RAB38: variants seen among roughly 807,000 people sequenced by gnomAD.
The protein encoded by RAB38 is RAB38, member RAS oncogene family.
In RAB38, 15 loss-of-function variants were observed where a neutral mutation model predicts 18.4. The ratio of observed to expected loss-of-function variants is 0.82; its 90% CI spans 0.55 to 1.26. The LOEUF (loss-of-function observed/expected upper bound fraction) is 1.26, where lower values mean the gene tolerates loss of function less well. Among genes scored for constraint, RAB38 ranks in the 50% most tolerant of loss-of-function variants. The pLI is 0.00. For synonymous variants in RAB38, 101 were observed against 104.4 expected (o/e 0.97, Z 0.20); for missense variants, 294 against 267.4 (o/e 1.10, Z -0.69).
chr11:88,038,274 T>C, the RAB38 span, among the ~76,000 whole-genome samples: 41 of 152,288 alleles, frequency 2.7e-4, 2 homozygotes, highest in South Asian at 8.5e-3. Context: ...AGTGTCCAGA[T>C]GTTAAATCAA....
chr11:87,935,008 G>T, the RAB38 span, among the ~76,000 whole-genome samples: 1 of 151,860 alleles, frequency 6.6e-6, no homozygotes, highest in Non-Finnish European at 1.5e-5. Flanking sequence ...TAGAGCCCTT[G>T]CCAGGCTAAT....
In RAB38 at chr11:88,149,768, GT is replaced by G; in HGVS notation, c.389del (p.Asp130AlafsTer8). On this transcript the variant is annotated frameshift_variant, in exon 2 of 3. Transcript: ENST00000243662. LOFTEE classifies it high-confidence loss of function. Reference protein sequence around the residue: ...VSVVLLANKCDQGKDVLMNNG... With the variant: ...VSVVLLANKCXQGKDVLMNNG... ...TGTTCATGAGCACATCCTTCCCCTG[GT>G]CACATTTGTTGGCCAACAAAACCAC... 1 of 1,614,060 alleles carries G rather than the reference GT, an allele frequency of 6.2e-7. No individual in the cohort carries two copies. The highest frequency in any genetic ancestry group is 8.5e-7 in the Non-Finnish European group (1 of 1,180,012).
downstream of RAB38, among the ~76,000 whole-genome samples, chr11:88,111,458 T>A (rs1017304521): frequency 5.9e-5 from 9 of 152,212 alleles, no homozygotes; most frequent in African/African-American, 1.7e-4. Context: ...TGTAGATTTA[T>A]TGGAACCCTT....
At chr11:88,032,782 C>G in the RAB38 span, among the ~76,000 whole-genome samples, 4 of 152,302 alleles carry the variant, frequency 2.6e-5, no homozygotes, top group Middle Eastern at 3.4e-3. Flanking sequence ...GTTGGTGGGA[C>G]TGTAAACTAG....
intron 1 of RAB38, among the ~76,000 whole-genome samples, chr11:88,160,019 A>C (rs548849521): frequency 6.6e-6 from 1 of 152,274 alleles, no homozygotes; most frequent in Non-Finnish European, 1.5e-5. Flanking sequence ...AGCAAAAGAA[A>C]TTATCAACAG....
At chr11:88,174,780 G>C (rs532326168) in intron 1 of RAB38, among the ~76,000 whole-genome samples, 9 of 152,354 alleles carry the variant, frequency 5.9e-5, no homozygotes, top group Non-Finnish European at 1.3e-4. Context: ...CTGTGAACCA[G>C]CCTAGGGGCT....
At chr11:88,173,530 G>A in intron 1 of RAB38, 1 of 985,324 alleles carries the variant, frequency 1.0e-6, no homozygotes, top group African/African-American at 1.7e-5. Flanking sequence ...TGAGGAGACT[G>A]AAATCTACAG....
At chr11:88,076,977 AAAGAAAG>A in the RAB38 span, among the ~76,000 whole-genome samples, 1 of 72,528 alleles carries the variant, frequency 1.4e-5, no homozygotes, top group African/African-American at 6.1e-5. Context: ...AAAAAAAAAG[AAAGAAAG>A]AAAGAAAAGA....
At chr11:87,821,040 G>C in the RAB38 span, among the ~76,000 whole-genome samples, 1 of 152,148 alleles carries the variant, frequency 6.6e-6, no homozygotes, top group African/African-American at 2.4e-5. Flanking sequence ...GGTTCCAAGA[G>C]GAGAAAAGGG....
the RAB38 span, among the ~76,000 whole-genome samples, chr11:87,846,624 G>T: frequency 6.6e-6 from 1 of 152,056 alleles, no homozygotes; most frequent in South Asian, 2.1e-4. Flanking sequence ...ACAACTCTCA[G>T]TAATTGATAG....
At chr11:88,166,073 G>C (rs1485589699) in intron 1 of RAB38, 2 of 152,106 alleles carry the variant, frequency 1.3e-5, no homozygotes, top group Non-Finnish European at 2.9e-5. Context: ...CTTCCAAAGG[G>C]AAGGACACAT....
the RAB38 span, among the ~76,000 whole-genome samples, chr11:88,033,493 T>C: frequency 6.6e-6 from 1 of 152,208 alleles, no homozygotes; most frequent in Non-Finnish European, 1.5e-5. Flanking sequence ...ATCTATTTTA[T>C]ATATCATTGG....
intron 2 of RAB38, among the ~76,000 whole-genome samples, chr11:88,133,912 T>C (rs1167603345): frequency 2.0e-5 from 3 of 152,232 alleles, no homozygotes; most frequent in African/African-American, 7.2e-5. Context: ...ACTTCCCCTC[T>C]CTGGGGCCTC....
chr11:88,111,743 C>G (rs567958224), downstream of RAB38, among the ~76,000 whole-genome samples: 35 of 152,346 alleles, frequency 2.3e-4, no homozygotes, highest in Non-Finnish European at 3.7e-4. Context: ...CAATAGAGAA[C>G]AATCACTACT....
At chr11:87,857,739 A>T in the RAB38 span, among the ~76,000 whole-genome samples, 1 of 151,876 alleles carries the variant, frequency 6.6e-6, no homozygotes, top group Non-Finnish European at 1.5e-5. Context: ...AGTTTGTTTG[A>T]GTTCTTTGTA....
At chr11:88,010,953 G>C in the RAB38 span, among the ~76,000 whole-genome samples, 1 of 152,078 alleles carries the variant, frequency 6.6e-6, no homozygotes, top group African/African-American at 2.4e-5. Context: ...CTCTACAAGA[G>C]AGCCCAGAAT....
chr11:87,942,410 A>G, the RAB38 span, among the ~76,000 whole-genome samples: 29 of 152,240 alleles, frequency 1.9e-4, no homozygotes, highest in South Asian at 5.6e-3. Context: ...CTAGGGTAAT[A>G]AAGAGGATCA....
At chr11:88,034,167 T>A in the RAB38 span, among the ~76,000 whole-genome samples, 1 of 152,244 alleles carries the variant, frequency 6.6e-6, no homozygotes, top group Non-Finnish European at 1.5e-5. Flanking sequence ...CCATTTGGGA[T>A]TCGCTTTTTT....
the RAB38 span, among the ~76,000 whole-genome samples, chr11:87,888,280 A>T: frequency 2.6e-5 from 4 of 151,982 alleles, no homozygotes; most frequent in Non-Finnish European, 5.9e-5. Flanking sequence ...CAGTTGTAAA[A>T]TACTATGTAT....
Sources: allele counts gnomAD v4.1 joint callset (sites outside exome capture counted in the v4.1 genomes callset), GRCh38; gene constraint gnomAD v4.1.1; transcripts MANE v1.5; gene names NCBI Gene and HGNC (gene_info 2026-07-23, HGNC 2026-07-21).